NUP98: variants seen among roughly 807,000 people sequenced by gnomAD.
NUP98 encodes nuclear pore complex protein Nup98-Nup96.
NUP98 carries 26 observed loss-of-function variants against 191.9 expected under a neutral mutation model. The observed-to-expected ratio is 0.14, with a 90% CI of 0.10 to 0.19. The LOEUF is 0.19. Ranked by LOEUF, NUP98 falls within the 10% of genes least tolerant of loss-of-function variation. The pLI is 1.00. For synonymous variants in NUP98, 808 were observed against 778.4 expected (o/e 1.04, Z -0.63); for missense variants, 1,941 against 2,178.8 (o/e 0.89, Z 2.17).
chr11:3,677,025 A>C (rs1164581333), intron 31 of NUP98, among the ~76,000 whole-genome samples: 1 of 152,220 alleles, frequency 6.6e-6, no homozygotes, highest in Non-Finnish European at 1.5e-5. Flanking sequence ...TTTCTAAAAC[A>C]CCAAAAAAGC....
intron 9 of NUP98, among the ~76,000 whole-genome samples, chr11:3,762,507 C>G (rs1454203414): frequency 6.6e-6 from 1 of 152,096 alleles, no homozygotes; most frequent in Non-Finnish European, 1.5e-5. Context: ...ATTTGATCAA[C>G]CCCAAAAACA....
At chr11:3,781,185 CAAAAAAAAAAA>C (rs34704470) in intron 2 of NUP98, among the ~76,000 whole-genome samples, 16 of 69,038 alleles carry the variant, frequency 2.3e-4, no homozygotes, top group African/African-American at 7.3e-4. Flanking sequence ...GATCCTATCT[CAAAAAAAAAAA>C]AAAAAAAAAA....
At chr11:3,726,700 C>A (rs542559964) in intron 14 of NUP98, among the ~76,000 whole-genome samples, 1 of 152,108 alleles carries the variant, frequency 6.6e-6, no homozygotes, top group African/African-American at 2.4e-5. Context: ...CCCAAACAGT[C>A]TTATAAATAC....
At chr11:3,785,102 C>T (rs2082098832) in intron 1 of NUP98, among the ~76,000 whole-genome samples, 1 of 151,724 alleles carries the variant, frequency 6.6e-6, no homozygotes, top group Non-Finnish European at 1.5e-5. Flanking sequence ...CGTGCCACTG[C>T]ACTCCAGCCT....
At chr11:3,687,183 T>A (rs1251639917) in intron 28 of NUP98, among the ~76,000 whole-genome samples, 1 of 152,120 alleles carries the variant, frequency 6.6e-6, no homozygotes, top group Non-Finnish European at 1.5e-5. Flanking sequence ...ATCGTCCCAC[T>A]TCAGCGTCAC....
intron 7 of NUP98, among the ~76,000 whole-genome samples, chr11:3,769,462 CATT>C (rs1050700913): frequency 2.7e-5 from 4 of 149,376 alleles, no homozygotes; most frequent in Non-Finnish European, 5.9e-5. Context: ...AATTATGAAA[CATT>C]AGCCAGGCAG....
intron 11 of NUP98, among the ~76,000 whole-genome samples, chr11:3,750,491 A>G (rs994575109): frequency 4.6e-5 from 7 of 152,376 alleles, no homozygotes; most frequent in African/African-American, 1.7e-4. Context: ...ACAGAACACT[A>G]TGTAAGACAG....
chr11:3,735,323 A>C lies in NUP98; in HGVS notation c.1410T>G (p.Ala470=). The C allele has an allele frequency of 6.8e-7, 1 of 1,470,570 alleles. No individual in the cohort carries two copies. The highest frequency in any genetic ancestry group is 9.0e-7 in the Non-Finnish European group (1 of 1,115,150). The allele number at this position is 1,470,570 out of a possible 1,614,324, so 91.1% of individuals were successfully genotyped here. ...CAGCAGAAGCATTTGGATCTGTCAA[A>C]GCTTTTAAAAAAAAAAAAAGAAAAC... ...LGFGAPQAPV[A]LTDPNASAAQ... is the part of the protein sequence containing the mutation. Residue 470 remains alanine, a splice_region_variant and synonymous_variant, in exon 13 of 33, where the codon GCT becomes GCG. Transcript: ENST00000324932.
chr11:3,769,517 A>G (rs901510839), intron 7 of NUP98, among the ~76,000 whole-genome samples: 101 of 146,526 alleles, frequency 6.9e-4, no homozygotes, highest in African/African-American at 2.5e-3. Context: ...TCAAGGCTGC[A>G]GTGAGCTATG....
intron 20 of NUP98, chr11:3,711,728 A>C (rs1284313997): frequency 4.3e-6 from 2 of 470,304 alleles, no homozygotes; most frequent in Admixed American, 1.2e-4. Context: ...TCTAAATGCT[A>C]CCAAGATTAT....
intron 2 of NUP98, 25 bp downstream of exon 2, chr11:3,782,015 CCT>C (rs767848321): frequency 6.5e-7 from 1 of 1,537,530 alleles, no homozygotes; most frequent in Admixed American, 1.7e-5. Flanking sequence ...AAGGTTTCTC[CCT>C]CTTTTGTCCT....
chr11:3,719,172 T>C (rs2079300217), intron 18 of NUP98, among the ~76,000 whole-genome samples: 1 of 150,832 alleles, frequency 6.6e-6, no homozygotes, highest in Admixed American at 6.6e-5. Context: ...TAAAATAGAA[T>C]AGAATCGAAT....
chr11:3,676,385 A>G lies in NUP98; in HGVS notation c.5186-9T>C. On this transcript the variant is annotated splice_polypyrimidine_tract_variant and intron_variant, in intron 32 of 32. Transcript: ENST00000324932. ...TACACGTTTGGCCATGTCTAGAGAG[A>G]AAAACTAGAGTCAAGCACTGAGCAT... The G allele has an allele frequency of 6.2e-7, 1 of 1,613,890 alleles. No individual in the cohort carries two copies. The highest frequency in any genetic ancestry group is 8.5e-7 in the Non-Finnish European group (1 of 1,179,826).
chr11:3,719,711 A>C (rs1408910884), intron 17 of NUP98, among the ~76,000 whole-genome samples, 161 bp from the exon 18 acceptor site: 3 of 31,796 alleles, frequency 9.4e-5, no homozygotes, highest in Non-Finnish European at 1.8e-4. Context: ...GGACTTAGGG[A>C]GAGTAACTTC....
At chr11:3,684,867 A>ACTT (rs2134024374) in intron 29 of NUP98, among the ~76,000 whole-genome samples, 1 of 151,694 alleles carries the variant, frequency 6.6e-6, no homozygotes, top group Admixed American at 6.6e-5. Context: ...CCTAGGTCAA[A>ACTT]GTGAGTACGT....
At chr11:3,690,472 G>A (rs771119864) in intron 28 of NUP98, among the ~76,000 whole-genome samples, 5 of 150,756 alleles carry the variant, frequency 3.3e-5, no homozygotes, top group African/African-American at 1.2e-4. Flanking sequence ...GTGTTAGCCA[G>A]GATGGTCTCG....
chr11:3,730,639 C>G (rs1459044413), intron 14 of NUP98, among the ~76,000 whole-genome samples: 1 of 152,036 alleles, frequency 6.6e-6, no homozygotes, highest in African/African-American at 2.4e-5. Context: ...GCTGGGATTA[C>G]AGGTGTGAGC....
chr11:3,702,313 A>ACACTCT (rs1564821342), intron 23 of NUP98, 150 bp downstream of exon 23: 58 of 349,224 alleles, frequency 1.7e-4, no homozygotes, highest in South Asian at 6.3e-4. Flanking sequence ...ACACACACAC[A>ACACTCT]CTCTCTCTCT....
rs1418340318 is a variant in NUP98 at position 3,734,236 on chromosome 11, G to A, written c.1542+955C>T. On this transcript the variant is annotated intron_variant, in intron 13 of 32. Transcript: ENST00000324932. The stretch of plus-strand genomic sequence containing the variant: ...TATTTCATAGAGACGGGGTTTCACC[G>A]TGTTGACCAGGCTGGTCGTGAACTG... 4.6e-5 allele frequency among the ~76,000 whole-genome samples: 7 copies of A among 152,106 alleles called. No homozygotes were observed. The South Asian group carries it at 6.2e-4, about 14-fold the overall frequency.
Sources: gnomAD v4.1 joint callset for allele counts (sites outside exome capture counted in the v4.1 genomes callset) on GRCh38, gnomAD v4.1.1 for gene constraint, MANE v1.5 for transcripts, NCBI Gene and HGNC (gene_info 2026-07-23, HGNC 2026-07-21) for gene names.